Variants in LRRK1 observed in about 807,000 individuals in gnomAD.
The protein encoded by LRRK1 is leucine rich repeat kinase 1, also known as leucine-rich repeat serine/threonine-protein kinase 1.
LRRK1 carries 113 observed loss-of-function variants against 209.1 expected under a neutral mutation model. That is an observed-to-expected ratio of 0.54 (90% CI 0.46 to 0.63). The LOEUF (loss-of-function observed/expected upper bound fraction) is 0.63. Among genes scored for constraint, LRRK1 ranks in the 30% least tolerant of loss-of-function variants. The pLI, the probability that LRRK1 is intolerant of heterozygous loss-of-function variation, is 0.00. For missense variants in LRRK1, 2,284 were observed against 2,632.2 expected, an observed-to-expected ratio of 0.87 and a Z score of 2.89; for synonymous variants, 1,144 against 1,099.7, an observed-to-expected ratio of 1.04 and a Z score of -0.80.
chr15:101,012,378 G>A (rs1209253006), intron 10 of LRRK1, among the ~76,000 whole-genome samples: 3 of 152,188 alleles, frequency 2.0e-5, no homozygotes, highest in Non-Finnish European at 2.9e-5. Context: ...CGTATCCCTC[G>A]GGACTTTCTT....
At chr15:101,006,393 G>GAAAAAAAAAAAAAAAAAAAAA (rs2032960077) in intron 6 of LRRK1, among the ~76,000 whole-genome samples, 1 of 112,806 alleles carries the variant, frequency 8.9e-6, no homozygotes, top group African/African-American at 5.3e-5. Flanking sequence ...AAAAAAAAAA[G>GAAAAAAAAAAAAAAAAAAAAA]AAAAGGCATT....
At chr15:101,001,735 G>T (rs2141683030) in intron 6 of LRRK1, among the ~76,000 whole-genome samples, 1 of 152,224 alleles carries the variant, frequency 6.6e-6, no homozygotes, top group East Asian at 1.9e-4. Context: ...CTTTTACTGT[G>T]GTGTGCCCTT....
intron 21 of LRRK1, among the ~76,000 whole-genome samples, chr15:101,048,257 T>A (rs1279495649): frequency 6.6e-6 from 1 of 152,224 alleles, no homozygotes; most frequent in Non-Finnish European, 1.5e-5. Flanking sequence ...AAAAAAATTT[T>A]AAAGGAAAGC....
chr15:101,064,950 C>T (rs3809520), intron 31 of LRRK1: 12 of 240,458 alleles, frequency 5.0e-5, no homozygotes, highest in Middle Eastern at 1.5e-3. Context: ...TAAGCAGCAC[C>T]GAGAAAAGGG....
At chr15:101,025,011 C>T (rs1567241713) in intron 16 of LRRK1, 44 bp downstream of exon 16, 1 of 1,580,324 alleles carries the variant, frequency 6.3e-7, no homozygotes, top group Admixed American at 1.7e-5. Flanking sequence ...GTGCCCAGAG[C>T]TTTGCAGGTC....
At chr15:100,928,513 A>G (rs1333723534) in intron 2 of LRRK1, among the ~76,000 whole-genome samples, 1 of 152,324 alleles carries the variant, frequency 6.6e-6, no homozygotes, top group East Asian at 1.9e-4. Context: ...GGCCGCCAGA[A>G]GGAAAACTAA....
chr15:101,069,684 A>C lies in LRRK1; in HGVS notation c.*836A>C, dbSNP rs1354418273. On this transcript the variant is annotated 3_prime_UTR_variant, in exon 34 of 34. Transcript: ENST00000388948. ...TTGTTTGCACATAATAATCTTGTTT[A>C]TCACTTTAAAAAATTCAGTAATATC... 2 of 152,660 alleles carry C rather than the reference A, an allele frequency of 1.3e-5. No homozygotes were observed. Among genetic ancestry groups the C allele is most frequent in the Non-Finnish European group, 2.9e-5 (2 of 68,044 alleles). 9.5% of individuals were successfully genotyped at this position (152,660 alleles called of 1,614,324 possible).
intron 6 of LRRK1, among the ~76,000 whole-genome samples, chr15:101,006,644 A>G (rs75852981): frequency 3.3e-5 from 5 of 151,826 alleles, no homozygotes; most frequent in African/African-American, 1.2e-4. Flanking sequence ...GAAAAATATT[A>G]TTCTTCAGGG....
chr15:100,998,266 C>T (rs1030069999), intron 6 of LRRK1, among the ~76,000 whole-genome samples: 7 of 152,040 alleles, frequency 4.6e-5, no homozygotes, highest in Non-Finnish European at 8.8e-5. Context: ...AAGCAGACCA[C>T]GCCTAGCCAG....
chr15:100,983,411 G>A (rs143272531), intron 3 of LRRK1, 117 bp from the exon 4 acceptor site: 11,797 of 938,424 alleles, frequency 0.013, 101 homozygotes, highest in Middle Eastern at 0.03. Context: ...AGGTGCTGCC[G>A]TTCTGGACAA....
intron 20 of LRRK1, among the ~76,000 whole-genome samples, chr15:101,042,129 C>T (rs1365246421): frequency 3.3e-5 from 5 of 152,210 alleles, no homozygotes; most frequent in East Asian, 1.9e-4. Context: ...TGGTGCTCTT[C>T]ACTTCTTTCC....
intron 2 of LRRK1, among the ~76,000 whole-genome samples, chr15:100,960,195 A>G (rs952759799): frequency 3.3e-5 from 5 of 150,872 alleles, no homozygotes; most frequent in African/African-American, 1.2e-4. Context: ...GTGTAGTTCC[A>G]GGGTCTGTGC....
rs1275640048 is a variant in LRRK1 at position 101,022,631 on chromosome 15, G to A, written c.2067+34G>A. ...TGGTCTGCGTGCAGAGTCCCTGTGG[G>A]TGGGAGGAACATCCCTTGGACTCCT... is the stretch of plus-strand genomic sequence containing the variant. On this transcript the variant is annotated intron_variant, in intron 15 of 33. Transcript: ENST00000388948. This position sits in a 1 kb window ranked among gnomAD's most constrained non-coding sequence, Gnocchi z 4.0. The A allele has an allele frequency of 6.8e-7, 1 of 1,460,316 alleles. No homozygotes were observed. Among genetic ancestry groups the A allele is most frequent in the East Asian group, 2.4e-5 (1 of 42,546 alleles). The allele number at this position is 1,460,316 out of a possible 1,614,324, so 90.5% of individuals were successfully genotyped here.
intron 15 of LRRK1, among the ~76,000 whole-genome samples, chr15:101,023,538 A>G (rs1390114518): frequency 6.6e-6 from 1 of 152,176 alleles, no homozygotes; most frequent in Non-Finnish European, 1.5e-5. Flanking sequence ...GGCCATCCTC[A>G]TCAACTGTAT....
intron 22 of LRRK1, 85 bp from the exon 23 acceptor site, chr15:101,049,559 G>C: frequency 6.6e-7 from 1 of 1,506,346 alleles, no homozygotes; most frequent in Non-Finnish European, 9.0e-7. Context: ...CCGGGGGTTG[G>C]TTCCTGTCCC....
At chr15:100,923,851 A>G (rs957421869) in intron 1 of LRRK1, among the ~76,000 whole-genome samples, 1 of 152,218 alleles carries the variant, frequency 6.6e-6, no homozygotes, top group African/African-American at 2.4e-5. Flanking sequence ...CCCCCAGCCA[A>G]GTTGTGGCAA....
intron 3 of LRRK1, among the ~76,000 whole-genome samples, chr15:100,976,334 A>C (rs2031291114): frequency 6.6e-6 from 1 of 152,246 alleles, no homozygotes. Context: ...AGGTGAGAAC[A>C]GTACCTGGAA....
intron 20 of LRRK1, among the ~76,000 whole-genome samples, chr15:101,039,764 C>T (rs2034659715): frequency 6.6e-6 from 1 of 152,150 alleles, no homozygotes; most frequent in Non-Finnish European, 1.5e-5. Flanking sequence ...CCCTTTTATT[C>T]CCAGTTTGCT....
At chr15:100,976,556 C>G (rs1049375100) in intron 3 of LRRK1, among the ~76,000 whole-genome samples, 5 of 152,156 alleles carry the variant, frequency 3.3e-5, no homozygotes, top group African/African-American at 1.2e-4. Flanking sequence ...ACTTACACAC[C>G]TTTATTCAAT....
Sources: gnomAD v4.1 joint callset for allele counts (sites outside exome capture counted in the v4.1 genomes callset) on GRCh38, gnomAD v4.1.1 for gene constraint, Gnocchi (gnomAD v3.1) non-coding constraint, MANE v1.5 for transcripts, NCBI Gene and HGNC (gene_info 2026-07-23, HGNC 2026-07-21) for gene names.